Variants in PCDHGA3 observed in about 807,000 individuals in gnomAD.
PCDHGA3 encodes the protein protocadherin gamma-A3.
A neutral mutation model predicts 58.5 loss-of-function variants in PCDHGA3; 40 were observed. The observed-to-expected ratio is 0.68, with a 90% CI of 0.53 to 0.89. The LOEUF is 0.89. PCDHGA3 is among the 40% of genes least tolerant of loss of function. PCDHGA3 has a pLI of 0.00. For missense variants in PCDHGA3, 1,223 were observed against 1,195.9 expected (o/e 1.02, Z -0.33); for synonymous variants, 530 against 525.7 (o/e 1.01, Z -0.11).
chr5:141,366,873 G>A (rs1764838091), intron 1 of PCDHGA3: 6 of 1,393,396 alleles, frequency 4.3e-6, no homozygotes, highest in Non-Finnish European at 5.8e-6. Flanking sequence ...CTGTATTGGA[G>A]ATTAATTTTT....
intron 1 of PCDHGA3, among the ~76,000 whole-genome samples, chr5:141,462,192 T>C (rs1323806836): frequency 6.6e-6 from 1 of 152,198 alleles, no homozygotes; most frequent in Non-Finnish European, 1.5e-5. Context: ...ACTCCTGACC[T>C]CAGGTGATCC....
chr5:141,383,987 G>T, intron 1 of PCDHGA3: 6 of 1,613,730 alleles, frequency 3.7e-6, no homozygotes, highest in Non-Finnish European at 5.1e-6. Flanking sequence ...ACACCTCTTG[G>T]GACAGTCATT....
At chr5:141,496,759 C>T (rs1287940646) in intron 2 of PCDHGA3, among the ~76,000 whole-genome samples, 2 of 152,038 alleles carry the variant, frequency 1.3e-5, no homozygotes, top group South Asian at 4.2e-4. Context: ...AAATATTTAT[C>T]GAGCATCTAC....
intron 1 of PCDHGA3, chr5:141,411,226 C>G (rs781690096): frequency 6.6e-6 from 1 of 151,996 alleles, no homozygotes; most frequent in South Asian, 2.1e-4. Flanking sequence ...TTCAAATTTG[C>G]GAAGACTTAG....
Position 141,491,273 on chromosome 5 carries a change from G to A in PCDHGA3, c.2425-3534G>A. ...GACCCTGAGGAAATGCCCAAATCCA[G>A]TGACTTCCTCATACACCCTCCTGAG... On this transcript the variant is annotated intron_variant, in intron 1 of 3. Coordinates refer to ENST00000253812, the MANE Select transcript of PCDHGA3 (RefSeq NM_018916.4). This position sits in a 1 kb window ranked among gnomAD's most constrained non-coding sequence, Gnocchi z 6.9. The A allele has an allele frequency of 6.2e-7, 1 of 1,614,182 alleles. No individual in the cohort carries two copies. Among genetic ancestry groups the A allele is most frequent in the South Asian group, 1.1e-5 (1 of 91,082 alleles).
chr5:141,439,117 C>T (rs1219829519), intron 1 of PCDHGA3, among the ~76,000 whole-genome samples: 6 of 150,696 alleles, frequency 4.0e-5, no homozygotes, highest in African/African-American at 7.3e-5. Context: ...CACTTGAACC[C>T]GGGAGACAGA....
intron 1 of PCDHGA3, among the ~76,000 whole-genome samples, chr5:141,380,518 T>C (rs1166161347): frequency 1.3e-5 from 2 of 152,254 alleles, no homozygotes; most frequent in African/African-American, 2.4e-5. Context: ...CTTTAAACTA[T>C]GAAATGATTT....
intron 2 of PCDHGA3, among the ~76,000 whole-genome samples, chr5:141,501,212 A>G (rs936235563): frequency 1.9e-4 from 29 of 150,770 alleles, no homozygotes; most frequent in Admixed American, 1.8e-3. Flanking sequence ...TGTCAGGGTG[A>G]CTTCCTAGAT....
chr5:141,392,897 G>T (rs2150498343), intron 1 of PCDHGA3: 6 of 1,613,776 alleles, frequency 3.7e-6, no homozygotes, highest in Non-Finnish European at 5.1e-6. Flanking sequence ...AAATCGGGAG[G>T]GGACAGATTC....
At chr5:141,389,337 G>T (rs756804360) in intron 1 of PCDHGA3, 7 of 1,614,014 alleles carry the variant, frequency 4.3e-6, no homozygotes, top group Non-Finnish European at 5.9e-6. Flanking sequence ...CAACGGCCAA[G>T]TCTCTTACTG....
intron 2 of PCDHGA3, among the ~76,000 whole-genome samples, chr5:141,501,988 T>C (rs2099812189): frequency 6.6e-6 from 1 of 152,056 alleles, no homozygotes; most frequent in Non-Finnish European, 1.5e-5. Flanking sequence ...GGTCCCGTTG[T>C]CTCCCTGACA....
chr5:141,491,795 C>G lies in PCDHGA3; in HGVS notation c.2425-3012C>G. The G allele has an allele frequency of 6.6e-7, 1 of 1,511,694 alleles. No individual in the cohort carries two copies. The highest frequency in any genetic ancestry group is 8.8e-7 in the Non-Finnish European group (1 of 1,130,430). The allele number at this position is 1,511,694 out of a possible 1,614,324, so 93.6% of individuals were successfully genotyped here. On this transcript the variant is annotated intron_variant, in intron 1 of 3. Transcript: ENST00000253812. The surrounding 1 kb of genome is among the most constrained non-coding windows in gnomAD (Gnocchi z 6.9). ...GGATTGAACTTGCATCCACTCCTCT[C>G]CGGCCGGCTTGGTCGCTGGCTGCGC...
At chr5:141,408,111 C>A (rs1477598232) in intron 1 of PCDHGA3, 7 of 1,455,108 alleles carry the variant, frequency 4.8e-6, no homozygotes, top group African/African-American at 4.3e-5. Context: ...ACCCGGGACT[C>A]CTCCTGTCCT....
chr5:141,476,743 T>A lies in PCDHGA3; in HGVS notation c.2425-18064T>A. On this transcript the variant is annotated intron_variant, in intron 1 of 3. Coordinates refer to ENST00000253812, the MANE Select transcript of PCDHGA3 (RefSeq NM_018916.4). The surrounding 1 kb of genome is among the most constrained non-coding windows in gnomAD (Gnocchi z 7.6). ...CCCTGGACCGAGAACGGGAGCCTAG[T>A]CTCCAGTTAGTGCTGACGGCGTTGG... is the stretch of plus-strand genomic sequence containing the variant. The A allele has an allele frequency of 6.2e-7, 1 of 1,613,932 alleles. No individual in the cohort carries two copies. The highest frequency in any genetic ancestry group is 1.1e-5 in the South Asian group (1 of 91,064).
At chr5:141,355,184 T>C in intron 1 of PCDHGA3, 2 of 1,586,600 alleles carry the variant, frequency 1.3e-6, no homozygotes, top group Non-Finnish European at 1.7e-6. Flanking sequence ...CACAGGCGAC[T>C]CCGCGGCGGG....
chr5:141,475,616 G>A (rs2099366026), intron 1 of PCDHGA3, among the ~76,000 whole-genome samples: 1 of 152,206 alleles, frequency 6.6e-6, no homozygotes, highest in Admixed American at 6.5e-5. Flanking sequence ...GTAGTTTTCG[G>A]TTTGGTTCGA....
At chr5:141,395,348 A>T (rs2093219591) in intron 1 of PCDHGA3, 1 of 1,391,964 alleles carries the variant, frequency 7.2e-7, no homozygotes, top group East Asian at 2.4e-5. Flanking sequence ...AAGGTGTATC[A>T]CAGAGTTTTG....
intron 1 of PCDHGA3, chr5:141,410,195 G>A (rs769655902): frequency 1.1e-5 from 18 of 1,613,966 alleles, no homozygotes; most frequent in Non-Finnish European, 1.0e-5. Context: ...TCTGGTCTTC[G>A]CAGACAACTT....
intron 1 of PCDHGA3, among the ~76,000 whole-genome samples, chr5:141,444,152 ATTTTTTTTTTTTTTT>A (rs747671382): frequency 3.8e-4 from 13 of 33,894 alleles, no homozygotes; most frequent in East Asian, 1.0e-3. Context: ...TGTGTACTGG[ATTTTTTTTTTTTTTT>A]TTTTTTTTTT....
Sources: gnomAD v4.1 joint callset for allele counts (sites outside exome capture counted in the v4.1 genomes callset) on GRCh38, gnomAD v4.1.1 for gene constraint, Gnocchi (gnomAD v3.1) non-coding constraint, MANE v1.5 for transcripts, NCBI Gene and HGNC (gene_info 2026-07-23, HGNC 2026-07-21) for gene names.